Variants in GAD1 observed in about 807,000 individuals in gnomAD.
GAD1 encodes the protein 67 kDa glutamic acid decarboxylase.
GAD1 carries 35 observed loss-of-function variants against 75.2 expected under a neutral mutation model. The ratio of observed to expected loss-of-function variants is 0.47; its 90% CI spans 0.36 to 0.62. GAD1 has a LOEUF of 0.62. Among genes scored for constraint, GAD1 ranks in the 20% least tolerant of loss-of-function variants. The probability of loss-of-function intolerance (pLI) is 0.00; values close to 1 mark genes in which losing one functional copy is unlikely to be tolerated. For synonymous variants in GAD1, 257 were observed against 271.9 expected, an observed-to-expected ratio of 0.95 and a Z score of 0.54; for missense variants, 490 against 758.5, an observed-to-expected ratio of 0.65 and a Z score of 4.16.
At chr2:170,845,088 C>T (rs1419053339) in intron 7 of GAD1, among the ~76,000 whole-genome samples, 1 of 152,164 alleles carries the variant, frequency 6.6e-6, no homozygotes, top group African/African-American at 2.4e-5. Flanking sequence ...CTGTAAGCTC[C>T]GTTACTCTTT....
chr2:170,837,248 G>C (rs931238635), intron 6 of GAD1, among the ~76,000 whole-genome samples: 12 of 152,134 alleles, frequency 7.9e-5, no homozygotes, highest in African/African-American at 2.9e-4. Flanking sequence ...TTATCATTTA[G>C]GTCATGTTTC....
chr2:170,842,465 A>T, intron 6 of GAD1: 1 of 1,037,356 alleles, frequency 9.6e-7, no homozygotes, highest in Non-Finnish European at 1.5e-6. Context: ...CATTAATAAC[A>T]CATTTGTTCA....
intron 2 of GAD1, among the ~76,000 whole-genome samples, chr2:170,820,904 A>T (rs546243995): frequency 7.9e-5 from 12 of 152,248 alleles, no homozygotes; most frequent in Non-Finnish European, 1.8e-4. Flanking sequence ...TGATGTTGAA[A>T]GTGAAAGCAC....
In GAD1 at chr2:170,861,125, T is replaced by C. The variant is rs2105818524; in HGVS notation, c.*1243T>C. The stretch of plus-strand genomic sequence containing the variant: ...CAAGAAGAATATAAATAAATAAAAA[T>C]ATTCTCCATGGAGAATTTGAACAAA... On this transcript the variant is annotated 3_prime_UTR_variant, in exon 17 of 17. Transcript: ENST00000358196. 1 of 152,770 alleles carries C rather than the reference T, an allele frequency of 6.5e-6. No homozygotes were observed. The highest frequency in any genetic ancestry group is 6.5e-5 in the Admixed American group (1 of 15,306). The allele number at this position is 152,770 out of a possible 1,614,324, so 9.5% of individuals were successfully genotyped here.
intron 3 of GAD1, among the ~76,000 whole-genome samples, chr2:170,822,368 C>T (rs1701909957): frequency 6.6e-6 from 1 of 152,176 alleles, no homozygotes; most frequent in Non-Finnish European, 1.5e-5. Context: ...CCTCTGGAGT[C>T]CCCAATCCCC....
At chr2:170,844,247 C>A in intron 7 of GAD1, 90 bp downstream of exon 7, 12 of 781,918 alleles carry the variant, frequency 1.5e-5, no homozygotes, top group East Asian at 5.5e-5. Context: ...AATGCCTTAA[C>A]ATTTTTTTTG....
rs1702795829 is a variant in GAD1, at chr2:170,853,786, GC to G, written c.1264-83del. The G allele has an allele frequency of 7.6e-7, 1 of 1,321,556 alleles. No homozygotes were observed. The highest frequency in any genetic ancestry group is 1.1e-6 in the Non-Finnish European group (1 of 916,182). 81.9% of individuals were successfully genotyped at this position (1,321,556 alleles called of 1,614,324 possible). A position where few individuals can be genotyped will look rare whatever the true frequency, so the allele number is the denominator to read the frequency against. ...GAAGAAAGATTGCATATGACCCCAA[GC>G]CCCTCCTTCCAAGCAGCCTAGTTTT... On this transcript the variant is annotated intron_variant, in intron 13 of 16. Transcript: ENST00000358196. This position sits in a 1 kb window ranked among gnomAD's most constrained non-coding sequence, Gnocchi z 4.1.
rs139531653 is a variant in GAD1 at position 170,846,067 on chromosome 2, T to G, written c.1002+4T>G. ...AATTCTTGAAGCCAAACAGAAGGTA[T>G]GTACTCCGTGGTGCATCTGAACTCC... On this transcript the variant is annotated splice_donor_region_variant and intron_variant, in intron 10 of 16. Transcript: ENST00000358196. The G allele has an allele frequency of 4.7e-4, 752 of 1,611,852 alleles. 4 individuals are homozygous for G. The Middle Eastern group carries it at 4.8e-3, about 10-fold the overall frequency.
At chr2:170,850,715 C>T (rs1363104278) in intron 12 of GAD1, among the ~76,000 whole-genome samples, 5 of 152,236 alleles carry the variant, frequency 3.3e-5, no homozygotes, top group East Asian at 1.9e-4. Flanking sequence ...CCCCGTAACT[C>T]GGAGGATAAT....
At position 170,849,276 on chromosome 2, in the gene GAD1, G is replaced by A; in HGVS notation, c.1120-10G>A. The A allele has an allele frequency of 6.2e-7, 1 of 1,613,544 alleles. No individual in the cohort carries two copies. The highest frequency in any genetic ancestry group is 8.5e-7 in the Non-Finnish European group (1 of 1,179,586). On this transcript the variant is annotated splice_polypyrimidine_tract_variant and intron_variant, in intron 11 of 16. Coordinates refer to ENST00000358196, the MANE Select transcript of GAD1 (RefSeq NM_000817.3). ...GCTCCCCTCTTCCTCTCCTTTCTCT[G>A]TCCCCACAGGCTGCCTGGGGAGGTG... is the stretch of plus-strand genomic sequence containing the variant.
At position 170,852,809 on chromosome 2, in the gene GAD1, A is replaced by G. The variant is rs1182483554; in HGVS notation, c.1263+17A>G. ...AAGGAAAAGGTCTGTACTCCCTCCA[A>G]AGCTACACTGGGGCCCGTACGTTCT... On this transcript the variant is annotated intron_variant, in intron 13 of 16. Coordinates refer to ENST00000358196, the MANE Select transcript of GAD1 (RefSeq NM_000817.3). The G allele has an allele frequency of 6.2e-7, 1 of 1,607,968 alleles. No homozygotes were observed. The highest frequency in any genetic ancestry group is 1.3e-5 in the African/African-American group (1 of 74,710).
In GAD1 at chr2:170,853,469, T is replaced by C. The variant is rs1169310277; in HGVS notation, c.1264-404T>C. On this transcript the variant is annotated intron_variant, in intron 13 of 16. Coordinates refer to ENST00000358196, the MANE Select transcript of GAD1 (RefSeq NM_000817.3). This position sits in a 1 kb window ranked among gnomAD's most constrained non-coding sequence, Gnocchi z 4.1. The stretch of plus-strand genomic sequence containing the variant: ...AATGTCATAGGAGGTCCTGGAAAGG[T>C]TGGAAGACTTTTGCCAGAGCGCTTT... 3.8e-6 allele frequency: 1 copy of C among 262,118 alleles called. No individual in the cohort carries two copies. The highest frequency in any genetic ancestry group is 8.6e-5 in the East Asian group (1 of 11,644). 16.2% of individuals were successfully genotyped at this position (262,118 alleles called of 1,614,324 possible).
At position 170,818,388 on chromosome 2, in the gene GAD1, G is replaced by A. The variant is rs1028838931; in HGVS notation, c.-63-141G>A. On this transcript the variant is annotated intron_variant, in intron 1 of 16. Transcript: ENST00000358196. The surrounding 1 kb of genome is among the most constrained non-coding windows in gnomAD (Gnocchi z 5.9). ...CCCCCACCCCTGCGCACCCCTACCA[G>A]GCAGGCTCGCTGCCTTTCCTCCCTC... 1 of 618,430 alleles carries A rather than the reference G, an allele frequency of 1.6e-6. No homozygotes were observed. The highest frequency in any genetic ancestry group is 2.9e-6 in the Non-Finnish European group (1 of 342,480). The allele number at this position is 618,430 out of a possible 1,614,324, so 38.3% of individuals were successfully genotyped here. A position where few individuals can be genotyped will look rare whatever the true frequency, so the allele number is the denominator to read the frequency against.
intron 6 of GAD1, 49 bp downstream of exon 6, chr2:170,836,932 C>A: frequency 7.5e-7 from 1 of 1,325,136 alleles, no homozygotes; most frequent in South Asian, 1.2e-5. Context: ...ATGACTATGG[C>A]TTGTTGCTTT....
chr2:170,853,055 T>G lies in GAD1; in HGVS notation c.1263+263T>G. ...CCTTTAAGGAAATTATTTAATTGAG[T>G]ATTCCTTCATGTTTGCACAAAAAAA... On this transcript the variant is annotated intron_variant, in intron 13 of 16. Transcript: ENST00000358196. The surrounding 1 kb of genome is among the most constrained non-coding windows in gnomAD (Gnocchi z 4.1). 1 of 534,514 alleles carries G rather than the reference T, an allele frequency of 1.9e-6. No homozygotes were observed. The highest frequency in any genetic ancestry group is 3.4e-6 in the Non-Finnish European group (1 of 296,486). 33.1% of individuals were successfully genotyped at this position (534,514 alleles called of 1,614,324 possible). A position where few individuals can be genotyped will look rare whatever the true frequency, so the allele number is the denominator to read the frequency against.
intron 3 of GAD1, among the ~76,000 whole-genome samples, chr2:170,826,683 G>C (rs1161994272): frequency 6.6e-6 from 1 of 152,088 alleles, no homozygotes; most frequent in Non-Finnish European, 1.5e-5. Context: ...CAGCTGCCCA[G>C]AGGGAAGGGG....
intron 11 of GAD1, among the ~76,000 whole-genome samples, chr2:170,848,506 A>G (rs1263229304): frequency 3.3e-5 from 5 of 151,764 alleles, no homozygotes; most frequent in Non-Finnish European, 7.4e-5. Flanking sequence ...CAAAAAAAAA[A>G]AAAAAAGAAA....
intron 5 of GAD1, among the ~76,000 whole-genome samples, chr2:170,832,699 C>T (rs901710155): frequency 6.6e-6 from 1 of 150,866 alleles, no homozygotes; most frequent in Non-Finnish European, 1.5e-5. Flanking sequence ...CACACACATA[C>T]ACACATGCCT....
chr2:170,840,662 G>GAGGTAGGGAAGGGAGGGAGGGAGGA (rs1411296139), intron 6 of GAD1, among the ~76,000 whole-genome samples: 1 of 121,546 alleles, frequency 8.2e-6, no homozygotes, highest in South Asian at 3.4e-4. Flanking sequence ...GTAGGGAAGG[G>GAGGTAGGGAAGGGAGGGAGGGAGGA]AGGGAGGGAG....
Sources: allele counts gnomAD v4.1 joint callset (sites outside exome capture counted in the v4.1 genomes callset), GRCh38; gene constraint gnomAD v4.1.1; non-coding constraint Gnocchi (gnomAD v3.1); transcripts MANE v1.5; gene names NCBI Gene and HGNC (gene_info 2026-07-23, HGNC 2026-07-21).